DNM3: variants seen among roughly 807,000 people sequenced by gnomAD.
DNM3 encodes dynamin 3.
In DNM3, 47 loss-of-function variants were observed where a neutral mutation model predicts 101.6. The observed-to-expected ratio is 0.46, with a 90% confidence interval of 0.37 to 0.59. The LOEUF is 0.59. Among genes scored for constraint, DNM3 ranks in the 20% least tolerant of loss-of-function variants. DNM3 has a pLI of 0.00. For missense variants in DNM3, 849 were observed against 1,085.7 expected (o/e 0.78, Z 3.06); for synonymous variants, 385 against 387.9 (o/e 0.99, Z 0.09).
At chr1:172,130,518 T>C (rs1010234122) in intron 13 of DNM3, among the ~76,000 whole-genome samples, 1 of 152,210 alleles carries the variant, frequency 6.6e-6, no homozygotes, top group Non-Finnish European at 1.5e-5. Flanking sequence ...TGCTACATGT[T>C]TTGTAATATG....
intron 1 of DNM3, among the ~76,000 whole-genome samples, chr1:171,869,199 T>C (rs1366559841): frequency 6.6e-6 from 1 of 152,202 alleles, no homozygotes; most frequent in Admixed American, 6.5e-5. Flanking sequence ...ATTTTGTGAA[T>C]GCTTTTGGAT....
intron 9 of DNM3, 106 bp from the exon 10 acceptor site, chr1:172,048,506 T>G: frequency 7.4e-7 from 1 of 1,343,622 alleles, no homozygotes. Flanking sequence ...CTTGGTCTAT[T>G]ACATGCTTAA....
At position 171,867,215 on chromosome 1, in the gene DNM3, G is replaced by T. The variant is rs530524517; in HGVS notation, c.161+25398G>T. ...AGGTCAGGCTTTGAACTGATTTGAA[G>T]AAAACTAGTGTCTATGTTAGAGGTG... On this transcript the variant is annotated intron_variant, in intron 1 of 20. Coordinates refer to ENST00000627582, the MANE Select transcript of DNM3 (RefSeq NM_015569.5). Among the ~76,000 whole-genome samples the T allele has an allele frequency of 1.0e-3, 157 of 152,312 alleles. 1 individual carries two copies. The highest frequency in any genetic ancestry group is 1.4e-3 in the Non-Finnish European group (93 of 68,024).
At chr1:171,888,023 C>A (rs921451993) in intron 1 of DNM3, among the ~76,000 whole-genome samples, 1 of 150,914 alleles carries the variant, frequency 6.6e-6, no homozygotes, top group Non-Finnish European at 1.5e-5. Context: ...CCCATATGGT[C>A]AAACAGTTCT....
chr1:172,190,334 A>G (rs2148433844), intron 14 of DNM3, among the ~76,000 whole-genome samples: 1 of 152,236 alleles, frequency 6.6e-6, no homozygotes, highest in African/African-American at 2.4e-5. Context: ...CCTATAAAGG[A>G]CATGAACTCA....
chr1:171,904,266 C>A (rs191243320), intron 1 of DNM3, among the ~76,000 whole-genome samples: 1 of 152,090 alleles, frequency 6.6e-6, no homozygotes, highest in African/African-American at 2.4e-5. Context: ...TGAGATTGTG[C>A]CACTGCATTC....
At chr1:171,984,266 G>A (rs1271779374) in intron 2 of DNM3, among the ~76,000 whole-genome samples, 2 of 152,090 alleles carry the variant, frequency 1.3e-5, no homozygotes, top group East Asian at 1.9e-4. Context: ...GTCACAGCAT[G>A]TTTCTACTCT....
chr1:172,263,603 G>A (rs575285687), intron 15 of DNM3, among the ~76,000 whole-genome samples: 41 of 152,320 alleles, frequency 2.7e-4, no homozygotes, highest in Middle Eastern at 3.4e-3. Flanking sequence ...ATGGTGGCAG[G>A]CAAGAGAGTA....
chr1:172,279,434 T>C (rs756805836), intron 15 of DNM3, among the ~76,000 whole-genome samples: 2 of 152,140 alleles, frequency 1.3e-5, no homozygotes, highest in Non-Finnish European at 1.5e-5. Context: ...ATCATCAATC[T>C]TGATTTCCAG....
intron 15 of DNM3, among the ~76,000 whole-genome samples, chr1:172,258,614 T>C (rs1298089830): frequency 6.6e-6 from 1 of 152,116 alleles, no homozygotes; most frequent in African/African-American, 2.4e-5. Context: ...ATCTTTTTTA[T>C]TTCTGATTTT....
At chr1:171,931,747 G>A (rs2041021788) in intron 2 of DNM3, among the ~76,000 whole-genome samples, 1 of 151,922 alleles carries the variant, frequency 6.6e-6, no homozygotes, top group Non-Finnish European at 1.5e-5. Context: ...TTACTTTTGT[G>A]GGTTTATAAT....
chr1:171,903,150 G>C (rs2038522935), intron 1 of DNM3, among the ~76,000 whole-genome samples: 2 of 151,738 alleles, frequency 1.3e-5, no homozygotes, highest in South Asian at 4.1e-4. Flanking sequence ...GCGAGACCCT[G>C]TCTCAAAAAA....
intron 4 of DNM3, among the ~76,000 whole-genome samples, chr1:172,014,015 C>T (rs1252753101): frequency 6.6e-6 from 1 of 152,122 alleles, no homozygotes; most frequent in Non-Finnish European, 1.5e-5. Flanking sequence ...ACCTCCCCTA[C>T]TATCAGCATT....
chr1:172,131,236 G>C lies in DNM3; in HGVS notation c.1607G>C (p.Gly536Ala). The change falls in exon 14 of 21, where the codon GGA becomes GCA. Residue 536 changes from glycine to alanine, a missense_variant. By Grantham distance (60) the Gly-to-Ala change is moderately conservative. Coordinates refer to ENST00000627582, the MANE Select transcript of DNM3 (RefSeq NM_015569.5). Reference sequence around the variant, plus strand: ...GGCATCATGAAAGGCGGCTCGAAGGGATACTGGTTCGTCCTTACTGCGGAA... The same window carrying C: ...GGCATCATGAAAGGCGGCTCGAAGGCATACTGGTTCGTCCTTACTGCGGAA... ...NIGIMKGGSK[G>A]YWFVLTAESL... is the part of the protein sequence containing the mutation. 6.2e-7 allele frequency: 1 copy of C among 1,613,388 alleles called. No homozygotes were observed. The highest frequency in any genetic ancestry group is 8.5e-7 in the Non-Finnish European group (1 of 1,179,578).
At chr1:172,258,003 TA>T (rs2062483994) in intron 15 of DNM3, among the ~76,000 whole-genome samples, 2 of 152,112 alleles carry the variant, frequency 1.3e-5, no homozygotes, top group African/African-American at 4.8e-5. Context: ...ATAAACTTTT[TA>T]AACTCCTATT....
chr1:171,920,224 T>C (rs995957407), intron 1 of DNM3, among the ~76,000 whole-genome samples: 4 of 152,200 alleles, frequency 2.6e-5, no homozygotes, highest in Non-Finnish European at 5.9e-5. Flanking sequence ...AGCTAAACAC[T>C]TGGGTTTTGG....
At chr1:172,034,445 G>GA (rs1375827222) in intron 6 of DNM3, among the ~76,000 whole-genome samples, 1 of 152,008 alleles carries the variant, frequency 6.6e-6, no homozygotes, top group African/African-American at 2.4e-5. Flanking sequence ...AATCTCAGAG[G>GA]AAACTCACTA....
At chr1:172,347,702 G>A (rs10911624) in intron 17 of DNM3, among the ~76,000 whole-genome samples, 21,594 of 152,062 alleles carry the variant, frequency 0.14, 1,967 homozygotes, top group African/African-American at 0.26. Context: ...GTTCTAACAT[G>A]TTCTAATCAA....
intron 16 of DNM3, among the ~76,000 whole-genome samples, chr1:172,322,674 C>T (rs2065773341): frequency 1.3e-5 from 2 of 152,132 alleles, no homozygotes; most frequent in South Asian, 2.1e-4. Flanking sequence ...GCAGCATCCC[C>T]ACTATACAGT....
Sources: gnomAD v4.1 joint callset for allele counts (sites outside exome capture counted in the v4.1 genomes callset) on GRCh38, gnomAD v4.1.1 for gene constraint, MANE v1.5 for transcripts, NCBI Gene and HGNC (gene_info 2026-07-23, HGNC 2026-07-21) for gene names.